The following TMTC1 variants were observed in gnomAD, a reference collection of about 807,000 sequenced individuals.
The protein encoded by TMTC1 is protein O-mannosyl-transferase TMTC1.
A neutral mutation model predicts 104.8 loss-of-function variants in TMTC1; 73 were observed. The observed-to-expected ratio is 0.70, with a 90% confidence interval of 0.58 to 0.85. TMTC1 has a LOEUF of 0.85. Ranked by LOEUF, TMTC1 falls within the 40% of genes least tolerant of loss-of-function variation. The pLI is 0.00. For missense variants in TMTC1, 1,035 were observed against 1,096.1 expected, an observed-to-expected ratio of 0.94 and a Z score of 0.79; for synonymous variants, 434 against 428.7, an observed-to-expected ratio of 1.01 and a Z score of -0.15.
In TMTC1 at chr12:29,510,573, T is replaced by C. The variant is rs115717737; in HGVS notation, c.2508+1470A>G. Among the ~76,000 whole-genome samples, 855 of 152,266 alleles carry C rather than the reference T, an allele frequency of 5.6e-3. 11 individuals are homozygous for C. Among genetic ancestry groups the C allele is most frequent in the African/African-American group, 0.019 (798 of 41,534 alleles). ...GTGCTTGAATTCACCACCTACCAGA[T>C]CAAAGCTGTCAGCTGCAGGGTAATT... On this transcript the variant is annotated intron_variant, in intron 17 of 17. Coordinates refer to ENST00000539277, the MANE Select transcript of TMTC1 (RefSeq NM_001193451.2).
At chr12:29,726,306 T>A (rs1942388883) in intron 5 of TMTC1, among the ~76,000 whole-genome samples, 1 of 152,220 alleles carries the variant, frequency 6.6e-6, no homozygotes, top group South Asian at 2.1e-4. Context: ...GTATTTGATA[T>A]CTTTCTTTAC....
chr12:29,725,655 G>T (rs527634551), intron 5 of TMTC1, among the ~76,000 whole-genome samples: 1 of 152,244 alleles, frequency 6.6e-6, no homozygotes, highest in Non-Finnish European at 1.5e-5. Context: ...TTTACTCCTG[G>T]TTCATAATTA....
At chr12:29,760,947 TA>T (rs1244713392) in intron 2 of TMTC1, among the ~76,000 whole-genome samples, 1 of 147,804 alleles carries the variant, frequency 6.8e-6, no homozygotes, top group Non-Finnish European at 1.5e-5. Context: ...TGCATTTGCA[TA>T]TATATACTAT....
At chr12:29,663,856 G>T (rs536745912) in intron 5 of TMTC1, among the ~76,000 whole-genome samples, 2 of 152,004 alleles carry the variant, frequency 1.3e-5, no homozygotes, top group Non-Finnish European at 2.9e-5. Flanking sequence ...TTGCTATGAT[G>T]GCTATTTCAC....
Position 29,517,464 on chromosome 12 carries a change from G to C in TMTC1, c.2132C>G (p.Ala711Gly). The change falls in exon 14 of 18, where the codon GCA becomes GGA. Residue 711 changes from alanine (A) to glycine (G), a missense_variant. Ala to Gly is a moderately conservative substitution (Grantham distance 60, BLOSUM62 0). Transcript: ENST00000539277. ...GAGCTCCCTCTGAGAAGGCTGAAGT[G>C]CTGCAGCTTCCTGGTAAATCTGCAA... ...EALQIYQEAA[A>G]LQPSQRELRL... 2 of 1,614,140 alleles carry C rather than the reference G, an allele frequency of 1.2e-6. No homozygotes were observed. Among genetic ancestry groups the C allele is most frequent in the Non-Finnish European group, 1.7e-6 (2 of 1,180,024 alleles).
Position 29,574,559 on chromosome 12 carries a change from A to G in TMTC1, c.1419-2341T>C, listed in dbSNP as rs1945769336. On this transcript the variant is annotated intron_variant, in intron 8 of 17. Transcript: ENST00000539277. Reference sequence around the variant, plus strand: ...TTTATTTCTCACAGTTCTGGAGGCTAGAAGTTCAAGATCAAAGTTATGGCT... The same window carrying G: ...TTTATTTCTCACAGTTCTGGAGGCTGGAAGTTCAAGATCAAAGTTATGGCT... Among the ~76,000 whole-genome samples, 4 of 152,212 alleles carry G rather than the reference A, an allele frequency of 2.6e-5. No homozygotes were observed. The South Asian group carries it at 6.2e-4, about 24-fold the overall frequency.
intron 5 of TMTC1, among the ~76,000 whole-genome samples, chr12:29,741,715 A>G (rs965119551): frequency 9.9e-5 from 15 of 152,222 alleles, no homozygotes; most frequent in African/African-American, 3.6e-4. Context: ...TTTTTCAAAA[A>G]CAATAATGAG....
intron 7 of TMTC1, among the ~76,000 whole-genome samples, chr12:29,601,648 C>T (rs1946568047): frequency 6.6e-6 from 1 of 152,084 alleles, no homozygotes; most frequent in Non-Finnish European, 1.5e-5. Flanking sequence ...ATGTGTTTTC[C>T]AGCTCTGCCA....
chr12:29,721,842 T>C (rs1942245680), intron 5 of TMTC1, among the ~76,000 whole-genome samples: 1 of 151,986 alleles, frequency 6.6e-6, no homozygotes, highest in South Asian at 2.1e-4. Flanking sequence ...TAAGGAAATA[T>C]TTCTTTAATA....
At chr12:29,754,102 T>C (rs921996566) in intron 4 of TMTC1, among the ~76,000 whole-genome samples, 1 of 151,050 alleles carries the variant, frequency 6.6e-6, no homozygotes, top group African/African-American at 2.4e-5. Flanking sequence ...CCTGATCTCA[T>C]GATCTGCCGG....
intron 5 of TMTC1, chr12:29,666,277 G>C: frequency 2.5e-6 from 1 of 392,294 alleles, no homozygotes; most frequent in Non-Finnish European, 4.8e-6. Flanking sequence ...ACCCAGGCTG[G>C]AGTGCAGTGG....
intron 5 of TMTC1, among the ~76,000 whole-genome samples, chr12:29,643,225 A>C (rs1383651218): frequency 1.3e-5 from 2 of 151,704 alleles, no homozygotes; most frequent in Middle Eastern, 3.2e-3. Flanking sequence ...CACTATGGAA[A>C]ACAATGTGGA....
At chr12:29,632,599 A>G (rs1938353713) in intron 6 of TMTC1, among the ~76,000 whole-genome samples, 1 of 152,204 alleles carries the variant, frequency 6.6e-6, no homozygotes, top group Non-Finnish European at 1.5e-5. Flanking sequence ...CCAGCCCTGC[A>G]TACCTGTGAG....
chr12:29,772,424 T>C (rs1322278769), intron 1 of TMTC1, among the ~76,000 whole-genome samples: 1 of 152,072 alleles, frequency 6.6e-6, no homozygotes, highest in African/African-American at 2.4e-5. Context: ...CTATCACACA[T>C]GGGCAATAAG....
intron 7 of TMTC1, among the ~76,000 whole-genome samples, chr12:29,588,756 G>T (rs896184199): frequency 2.6e-5 from 4 of 152,164 alleles, no homozygotes; most frequent in African/African-American, 9.7e-5. Flanking sequence ...ACTGACATTT[G>T]AGAAAGACCT....
intron 5 of TMTC1, among the ~76,000 whole-genome samples, chr12:29,749,621 T>C (rs1943039590): frequency 6.6e-6 from 1 of 152,158 alleles, no homozygotes. Context: ...AACAAAAATG[T>C]CCAGATTTTC....
intron 5 of TMTC1, among the ~76,000 whole-genome samples, chr12:29,691,735 A>T (rs1941274148): frequency 7.0e-6 from 1 of 142,810 alleles, no homozygotes; most frequent in Admixed American, 7.2e-5. Context: ...AAAAAAAAAA[A>T]AAACCTACTT....
intron 5 of TMTC1, among the ~76,000 whole-genome samples, chr12:29,727,244 G>A (rs1942417694): frequency 6.6e-6 from 1 of 152,202 alleles, no homozygotes; most frequent in Non-Finnish European, 1.5e-5. Flanking sequence ...TTCTGAAATA[G>A]AGTCAAAGAT....
At chr12:29,719,274 C>T (rs966617167) in intron 5 of TMTC1, among the ~76,000 whole-genome samples, 4 of 152,102 alleles carry the variant, frequency 2.6e-5, no homozygotes, top group East Asian at 1.9e-4. Flanking sequence ...TTTGTTCACT[C>T]GTGCATTTTT....
Sources: gnomAD v4.1 joint callset for allele counts (sites outside exome capture counted in the v4.1 genomes callset) on GRCh38, gnomAD v4.1.1 for gene constraint, MANE v1.5 for transcripts, NCBI Gene and HGNC (gene_info 2026-07-23, HGNC 2026-07-21) for gene names.